ATRX: variants seen among roughly 807,000 people sequenced by gnomAD.
ATRX encodes the protein ATRX chromatin remodeler, also known as chromatin remodeler ATRX.
ATRX carries 12 observed loss-of-function variants against 172.6 expected under a neutral mutation model. The ratio of observed to expected loss-of-function variants is 0.07; its 90% CI spans 0.04 to 0.11. The LOEUF is 0.11. Among genes scored for constraint, ATRX ranks in the 10% least tolerant of loss-of-function variants. The pLI, the probability that ATRX is intolerant of heterozygous loss-of-function variation, is 1.00. For synonymous variants in ATRX, 674 were observed against 594.7 expected (o/e 1.13, Z -1.94); for missense variants, 1,368 against 1,767.4 (o/e 0.77, Z 4.05).
intron 31 of ATRX, 61 bp downstream of exon 31, chrX:77,523,191 C>A (rs1602367499): frequency 1.7e-6 from 2 of 1,172,251 alleles, no homozygotes; most frequent in East Asian, 6.0e-5. Flanking sequence ...CCCTTTTCTT[C>A]TTCATTGCTC....
At chrX:77,784,076 AC>A (rs1256817693) in intron 1 of ATRX, among the ~76,000 whole-genome samples, 1 of 112,346 alleles carries the variant, frequency 8.9e-6, no homozygotes, top group Non-Finnish European at 1.9e-5. Context: ...ATCAGGTTAG[AC>A]CTGGCAGCTG....
intron 5 of ATRX, among the ~76,000 whole-genome samples, chrX:77,694,445 C>T (rs2072071520): frequency 9.0e-6 from 1 of 111,010 alleles, no homozygotes; most frequent in African/African-American, 3.3e-5. Flanking sequence ...TCTATTACTC[C>T]TGTATCTATA....
chrX:77,509,690 A>G (rs2062801368), intron 34 of ATRX, among the ~76,000 whole-genome samples: 1 of 111,028 alleles, frequency 9.0e-6, no homozygotes, highest in Non-Finnish European at 1.9e-5. Flanking sequence ...CAGTGAAAAG[A>G]AACACCAGGC....
chrX:77,758,964 C>G (rs1251373736), intron 1 of ATRX, among the ~76,000 whole-genome samples: 2 of 111,685 alleles, frequency 1.8e-5, no homozygotes, highest in Non-Finnish European at 3.8e-5. Context: ...ATGGGACATT[C>G]TTTGGTTGCA....
intron 7 of ATRX, among the ~76,000 whole-genome samples, chrX:77,685,591 G>A (rs2071505936): frequency 8.9e-6 from 1 of 112,014 alleles, no homozygotes; most frequent in Admixed American, 9.5e-5. Context: ...CTGTTGGTAG[G>A]AATGTAAATG....
intron 30 of ATRX, among the ~76,000 whole-genome samples, chrX:77,537,753 C>T (rs549759238): frequency 1.8e-5 from 2 of 111,376 alleles, no homozygotes; most frequent in South Asian, 3.8e-4. Context: ...TTTGACAGGA[C>T]AAATTATCTG....
At chrX:77,707,293 G>A (rs191435266) in intron 2 of ATRX, among the ~76,000 whole-genome samples, 57 of 111,795 alleles carry the variant, frequency 5.1e-4, no homozygotes, top group African/African-American at 1.8e-3. Flanking sequence ...GGATGGTGGT[G>A]GTGAATGCAC....
intron 25 of ATRX, chrX:77,596,533 A>T (rs2066473778): frequency 9.0e-6 from 1 of 111,183 alleles, no homozygotes; most frequent in Non-Finnish European, 1.9e-5. Flanking sequence ...ATCCATATAC[A>T]AATGACTTAT....
At chrX:77,641,793 GA>G (rs1174527097) in intron 15 of ATRX, among the ~76,000 whole-genome samples, 2 of 110,808 alleles carry the variant, frequency 1.8e-5, no homozygotes, top group Admixed American at 1.9e-4. Context: ...AAATGAAACA[GA>G]GGGGGGAAAA....
chrX:77,667,517 CAAGTTCAAAAAAAGTCTTTAA>C lies in ATRX; in HGVS notation c.3810-2760_3810-2740del, dbSNP rs782090044. On this transcript the variant is annotated intron_variant, in intron 10 of 34. Transcript: ENST00000373344. ...ACAACCTGATTTCAGTTTGTGTTTA[CAAGTTCAAAAAAAGTCTTTAA>C]AAAATTCCTATTAACTATAAAGATT... Among the ~76,000 whole-genome samples the C allele has an allele frequency of 1.0e-3, 112 of 110,906 alleles. 1 individual carries two copies. Among genetic ancestry groups the C allele is most frequent in the Non-Finnish European group, 1.7e-3 (88 of 52,954 alleles).
chrX:77,673,910 T>C (rs1557132210), intron 10 of ATRX: 2 of 110,739 alleles, frequency 1.8e-5, no homozygotes, highest in Non-Finnish European at 3.8e-5. Context: ...TCTCATGATA[T>C]AAAAAAGTAA....
At chrX:77,587,868 A>G (rs2066087770) in intron 27 of ATRX, among the ~76,000 whole-genome samples, 1 of 112,517 alleles carries the variant, frequency 8.9e-6, no homozygotes, top group South Asian at 3.6e-4. Context: ...TGGATAAGAC[A>G]TAATATTAAG....
intron 30 of ATRX, among the ~76,000 whole-genome samples, chrX:77,532,539 G>A (rs1464291579): frequency 9.0e-6 from 1 of 111,617 alleles, no homozygotes; most frequent in African/African-American, 3.3e-5. Context: ...ACGAGCAATG[G>A]GGAAAGGATT....
At position 77,682,903 on chromosome X, in the gene ATRX, T is replaced by C; in HGVS notation, c.2353A>G (p.Thr785Ala). 3 of 1,211,007 alleles carry C rather than the reference T, an allele frequency of 2.5e-6. No homozygotes were observed. The highest frequency in any genetic ancestry group is 2.2e-6 in the Non-Finnish European group (2 of 895,205). ...DKGKRKRKSS[T>A]SGSDFDTKKG... ...TTAGTATCAAAATCTGAGCCAGATG[T>C]AGAACTTTTTCGTTTCCTTTTTCCT... is the stretch of plus-strand genomic sequence containing the variant. Residue 785 changes from threonine to alanine, a missense_variant, in exon 9 of 35, where the codon ACA becomes GCA. By Grantham distance (58) the Thr-to-Ala change is moderately conservative. Around this residue, in one of 17 missense-constraint regions of ATRX, gnomAD observed 843 missense variants for 643.1 expected, o/e 1.31. Coordinates refer to ENST00000373344, the MANE Select transcript of ATRX (RefSeq NM_000489.6).
At chrX:77,630,731 T>G (rs1196261574) in intron 19 of ATRX, among the ~76,000 whole-genome samples, 1 of 111,125 alleles carries the variant, frequency 9.0e-6, no homozygotes, top group South Asian at 3.7e-4. Flanking sequence ...TATACAAAAA[T>G]AAACTGAAAA....
intron 19 of ATRX, among the ~76,000 whole-genome samples, chrX:77,622,944 C>T (rs971626130): frequency 4.5e-5 from 5 of 110,251 alleles, no homozygotes; most frequent in East Asian, 2.8e-4. Context: ...TGAACGCCTA[C>T]ATCAAAAAGT....
rs998434802 is a variant in ATRX, at chrX:77,698,724, T to A, written c.134-95A>T. Reference sequence around the variant, plus strand: ...TAACTCCACAAACCCATTCTCACACTATGAAGTCTGGCAGTATTGTTAACA... The same window carrying A: ...TAACTCCACAAACCCATTCTCACACAATGAAGTCTGGCAGTATTGTTAACA... On this transcript the variant is annotated intron_variant, in intron 2 of 34. Transcript: ENST00000373344. 4.7e-5 allele frequency: 32 copies of A among 686,992 alleles called. No homozygotes were observed. In the African/African-American group the frequency reaches 6.6e-4, roughly 14 times the overall value. 56.6% of individuals were successfully genotyped at this position (686,992 alleles called of 1,213,427 possible).
chrX:77,530,962 A>AC (rs1252090305), intron 30 of ATRX, among the ~76,000 whole-genome samples: 3 of 112,226 alleles, frequency 2.7e-5, no homozygotes, highest in African/African-American at 9.7e-5. Context: ...ATCCCCACTG[A>AC]CCCCACAGAA....
rs2063219307 is a variant in ATRX, at chrX:77,521,189, T to G, written c.7071+214A>C. 1.1e-5 allele frequency: 5 copies of G among 438,504 alleles called. No individual in the cohort carries two copies. The East Asian group carries it at 1.9e-4, about 17-fold the overall frequency. 36.1% of individuals were successfully genotyped at this position (438,504 alleles called of 1,213,427 possible). On this transcript the variant is annotated intron_variant, in intron 33 of 34. Coordinates refer to ENST00000373344, the MANE Select transcript of ATRX (RefSeq NM_000489.6). ...ACAATGCATACATTTCCATGTTTGA[T>G]TTCTCAATTCTTACATTTTACCCAT...
Sources: allele counts gnomAD v4.1 joint callset (sites outside exome capture counted in the v4.1 genomes callset), GRCh38; gene constraint gnomAD v4.1.1; regional missense constraint gnomAD v4.1.1; transcripts MANE v1.5; gene names NCBI Gene and HGNC (gene_info 2026-07-23, HGNC 2026-07-21).